Variants in ARHGAP29 observed in about 807,000 individuals in gnomAD.
ARHGAP29 encodes the protein Rho GTPase activating protein 29.
Under a neutral mutation model 122.6 loss-of-function variants are expected in ARHGAP29, and 43 were observed. That is an observed-to-expected ratio of 0.35 (90% CI 0.27 to 0.45). The LOEUF is 0.45. ARHGAP29 is among the 20% of genes least tolerant of loss of function. The pLI is 1.00. For synonymous variants in ARHGAP29, 506 were observed against 497.1 expected, an observed-to-expected ratio of 1.02 and a Z score of -0.24; for missense variants, 1,303 against 1,477.2, an observed-to-expected ratio of 0.88 and a Z score of 1.93.
chr1:94,205,818 T>TAAAC (rs1651153980), intron 5 of ARHGAP29, 135 bp from the exon 6 acceptor site: 1 of 704,786 alleles, frequency 1.4e-6, no homozygotes, highest in Non-Finnish European at 2.4e-6. Flanking sequence ...TTAAAGGCCT[T>TAAAC]AGAAGTCTGT....
the ARHGAP29 span, among the ~76,000 whole-genome samples, chr1:94,287,202 T>A: frequency 6.6e-6 from 1 of 152,184 alleles, no homozygotes; most frequent in Non-Finnish European, 1.5e-5. Flanking sequence ...CAAAGAATAC[T>A]GATATGGTTT....
upstream of ARHGAP29, among the ~76,000 whole-genome samples, chr1:94,241,747 T>TATAA (rs1653597471): frequency 7.7e-6 from 1 of 130,000 alleles, no homozygotes; most frequent in Non-Finnish European, 1.7e-5. Flanking sequence ...TATATATATA[T>TATAA]ATAAAATCAA....
intron 12 of ARHGAP29, chr1:94,195,609 A>G (rs370583408): frequency 3.3e-5 from 5 of 152,204 alleles, no homozygotes; most frequent in African/African-American, 1.2e-4. Context: ...AAATATCATA[A>G]GGCATAAACA....
At chr1:94,281,031 C>A in the ARHGAP29 span, among the ~76,000 whole-genome samples, 8 of 152,160 alleles carry the variant, frequency 5.3e-5, no homozygotes, top group East Asian at 9.6e-4. Context: ...AGAAACATTT[C>A]AATCCTTTCA....
Position 94,189,342 on chromosome 1 carries a change from T to C in ARHGAP29, c.1450A>G (p.Lys484Glu). ...GAAGGTTGGGAACTATTTAAATGTT[T>C]ATTTACATTTCTGAAACAACAACAA... is the stretch of plus-strand genomic sequence containing the variant. ...EEEKVDGNVN[K>E]HLNSSQPSGF... is the part of the protein sequence containing the mutation. Residue 484 changes from lysine to glutamate, a missense_variant, in exon 14 of 23, where the codon AAA (lysine) becomes GAA (glutamate). Lys to Glu is a moderately conservative substitution (Grantham distance 56). Transcript: ENST00000260526. 1.9e-6 allele frequency: 3 copies of C among 1,606,276 alleles called. No homozygotes were observed. The highest frequency in any genetic ancestry group is 1.1e-5 in the South Asian group (1 of 89,070).
chr1:94,305,782 G>A, the ARHGAP29 span, among the ~76,000 whole-genome samples: 5 of 152,208 alleles, frequency 3.3e-5, no homozygotes, highest in Non-Finnish European at 5.9e-5. Context: ...ATTCTAATTG[G>A]TGGTATGTGC....
chr1:94,207,506 G>A (rs1009019550), intron 5 of ARHGAP29, among the ~76,000 whole-genome samples: 28 of 151,172 alleles, frequency 1.9e-4, no homozygotes, highest in African/African-American at 6.8e-4. Context: ...TACAGAAACA[G>A]GAAATATGAT....
At chr1:94,189,041 A>G in intron 14 of ARHGAP29, 100 bp from the exon 15 acceptor site, 1 of 1,390,228 alleles carries the variant, frequency 7.2e-7, no homozygotes, top group Non-Finnish European at 1.0e-6. Flanking sequence ...TTTCTTTAAC[A>G]ATAACCAGTT....
At chr1:94,305,370 T>C in the ARHGAP29 span, among the ~76,000 whole-genome samples, 10 of 152,170 alleles carry the variant, frequency 6.6e-5, no homozygotes, top group African/African-American at 2.4e-4. Flanking sequence ...ATATCACCTC[T>C]GGGCAGAGAG....
At chr1:94,208,977 T>C in intron 4 of ARHGAP29, 73 bp from the exon 5 acceptor site, 1 of 1,351,900 alleles carries the variant, frequency 7.4e-7, no homozygotes, top group Non-Finnish European at 1.0e-6. Context: ...TTCAACATGT[T>C]ATCTAAAATA....
At chr1:94,219,306 T>C (rs962746879) in intron 3 of ARHGAP29, among the ~76,000 whole-genome samples, 7 of 151,888 alleles carry the variant, frequency 4.6e-5, no homozygotes, top group African/African-American at 1.7e-4. Flanking sequence ...GTTAGGTGTT[T>C]CTCCAATTCC....
At chr1:94,244,180 AC>A (rs1653705148) in intron 1 of ARHGAP29, among the ~76,000 whole-genome samples, 1 of 151,578 alleles carries the variant, frequency 6.6e-6, no homozygotes, top group African/African-American at 2.4e-5. Context: ...TTACCCTGAT[AC>A]CAAAACCAGA....
intron 12 of ARHGAP29, chr1:94,193,013 A>C (rs2150267): frequency 0.97 from 148,150 of 152,116 alleles, 72,275 homozygotes; most frequent in Middle Eastern, 1. Context: ...TAGATGAAAA[A>C]TCTACAACAA....
intron 4 of ARHGAP29, 54 bp downstream of exon 4, chr1:94,209,200 A>C: frequency 8.0e-7 from 1 of 1,245,374 alleles, no homozygotes; most frequent in African/African-American, 1.5e-5. Flanking sequence ...AATGCAACAT[A>C]CTCTCACTAA....
chr1:94,194,538 G>T (rs375566471), intron 12 of ARHGAP29: 24 of 151,984 alleles, frequency 1.6e-4, no homozygotes, highest in African/African-American at 5.6e-4. Flanking sequence ...TCAGATTCAG[G>T]GTCTGGTGTG....
rs113233632 is a variant in ARHGAP29, at chr1:94,220,222, G to A, written c.340+36C>T. On this transcript the variant is annotated intron_variant, in intron 3 of 22. Transcript: ENST00000260526. ...AAAATATATCACTTGGCTCCTTTTT[G>A]CCCACAGCAACCCACTTTTACTATA... 12 of 1,605,166 alleles carry A rather than the reference G, an allele frequency of 7.5e-6. No individual in the cohort carries two copies. The African/African-American group carries it at 8.1e-5, about 11-fold the overall frequency.
intron 1 of ARHGAP29, among the ~76,000 whole-genome samples, chr1:94,271,394 G>A (rs1313040915): frequency 6.6e-6 from 1 of 152,210 alleles, no homozygotes; most frequent in Non-Finnish European, 1.5e-5. Flanking sequence ...ACACTCAAGG[G>A]TAGGGGATTA....
In ARHGAP29 at chr1:94,174,486, T is replaced by C. The variant is rs779287904; in HGVS notation, c.3169A>G (p.Asn1057Asp). The change falls in exon 23 of 23, where the codon AAT becomes GAT. Residue 1057 changes from asparagine (N) to aspartate (D), a missense_variant. Asn to Asp is a conservative substitution (Grantham distance 23, BLOSUM62 1). Coordinates refer to ENST00000260526, the MANE Select transcript of ARHGAP29 (RefSeq NM_004815.4). The stretch of plus-strand genomic sequence containing the variant: ...ACAGTAGTAGCAGCGTCTTTTCTAT[T>C]AACTCCTTCAAAGGCAGGATTCTTG... Reference protein sequence around the residue: ...FCKNPAFEGVNRKDAATTVCS... With the variant: ...FCKNPAFEGVDRKDAATTVCS... 4.3e-6 allele frequency: 7 copies of C among 1,614,240 alleles called. No individual in the cohort carries two copies. The South Asian group carries it at 5.5e-5, about 13-fold the overall frequency.
chr1:94,274,677 GC>G (rs1419522228), intron 1 of ARHGAP29, among the ~76,000 whole-genome samples: 3 of 152,128 alleles, frequency 2.0e-5, no homozygotes, highest in Admixed American at 2.0e-4. Context: ...TAGCAAAAGG[GC>G]AACAAACCTG....
Sources: gnomAD v4.1 joint callset for allele counts (sites outside exome capture counted in the v4.1 genomes callset) on GRCh38, gnomAD v4.1.1 for gene constraint, MANE v1.5 for transcripts, NCBI Gene and HGNC (gene_info 2026-07-23, HGNC 2026-07-21) for gene names.